Variants in LHFPL6 observed in about 807,000 individuals in gnomAD.
The protein encoded by LHFPL6 is LHFPL tetraspan subfamily member 6 protein.
LHFPL6 carries 9 observed loss-of-function variants against 20.6 expected under a neutral mutation model. The observed-to-expected ratio is 0.44, with a 90% confidence interval of 0.26 to 0.76. LHFPL6 has a LOEUF of 0.76. Ranked by LOEUF, LHFPL6 falls within the 30% of genes least tolerant of loss-of-function variation. LHFPL6 has a pLI of 0.20. For synonymous variants in LHFPL6, 105 were observed against 98.7 expected (o/e 1.06, Z -0.38); for missense variants, 218 against 253.5 (o/e 0.86, Z 0.95).
intron 2 of LHFPL6, among the ~76,000 whole-genome samples, chr13:39,469,053 A>AT (rs1872877292): frequency 1.3e-5 from 2 of 152,198 alleles, no homozygotes; most frequent in South Asian, 4.1e-4. Flanking sequence ...AAATAATCCT[A>AT]TTCACAAGGA....
intron 2 of LHFPL6, among the ~76,000 whole-genome samples, chr13:39,424,329 A>G (rs973777490): frequency 6.6e-6 from 1 of 152,202 alleles, no homozygotes; most frequent in African/African-American, 2.4e-5. Flanking sequence ...ATAAAGGAAT[A>G]AAGGAATCAC....
intron 2 of LHFPL6, among the ~76,000 whole-genome samples, chr13:39,521,785 C>A (rs1309653753): frequency 6.6e-6 from 1 of 152,180 alleles, no homozygotes; most frequent in Non-Finnish European, 1.5e-5. Context: ...CCTTGCTTTG[C>A]AGATTACTTT....
At chr13:39,433,492 T>C (rs943564957) in intron 2 of LHFPL6, among the ~76,000 whole-genome samples, 2 of 152,048 alleles carry the variant, frequency 1.3e-5, no homozygotes, top group Non-Finnish European at 1.5e-5. Context: ...TTAATAAATA[T>C]CAAAAAGCAC....
intron 2 of LHFPL6, among the ~76,000 whole-genome samples, chr13:39,446,181 G>A (rs1216802111): frequency 6.6e-6 from 1 of 152,176 alleles, no homozygotes; most frequent in Non-Finnish European, 1.5e-5. Context: ...GGAAGGCCCT[G>A]ATAAAGTGGA....
intron 2 of LHFPL6, among the ~76,000 whole-genome samples, chr13:39,523,645 C>A (rs1240139830): frequency 6.6e-6 from 1 of 151,970 alleles, no homozygotes; most frequent in African/African-American, 2.4e-5. Context: ...TCTTCACTGG[C>A]AGTTCCAGAG....
At chr13:39,355,800 A>G (rs1869710304) in intron 3 of LHFPL6, among the ~76,000 whole-genome samples, 1 of 152,256 alleles carries the variant, frequency 6.6e-6, no homozygotes, top group Non-Finnish European at 1.5e-5. Flanking sequence ...AGGGCATTAC[A>G]TAACGATAAA....
chr13:39,591,200 T>C (rs1321032592), intron 2 of LHFPL6, among the ~76,000 whole-genome samples: 1 of 152,080 alleles, frequency 6.6e-6, no homozygotes, highest in Non-Finnish European at 1.5e-5. Flanking sequence ...CTGATAAATT[T>C]GGCAAAAAAG....
chr13:39,496,893 T>G (rs1016982343), intron 2 of LHFPL6, among the ~76,000 whole-genome samples: 3 of 152,164 alleles, frequency 2.0e-5, no homozygotes, highest in Admixed American at 2.0e-4. Flanking sequence ...CTAGGAGAGA[T>G]GACCACAGTA....
At chr13:39,376,549 A>G (rs530097329) in intron 3 of LHFPL6, among the ~76,000 whole-genome samples, 1 of 152,344 alleles carries the variant, frequency 6.6e-6, no homozygotes, top group South Asian at 2.1e-4. Context: ...GTTGTCACCC[A>G]TGAAGTCAAA....
chr13:39,441,138 T>G (rs11840408), intron 2 of LHFPL6, among the ~76,000 whole-genome samples: 2 of 25,732 alleles, frequency 7.8e-5, no homozygotes, highest in Non-Finnish European at 1.3e-4. Context: ...TGCCAACTAA[T>G]TTTTTTTTTT....
At chr13:39,549,537 C>T (rs1341185438) in intron 2 of LHFPL6, among the ~76,000 whole-genome samples, 1 of 151,970 alleles carries the variant, frequency 6.6e-6, no homozygotes, top group Non-Finnish European at 1.5e-5. Context: ...GCAAGGATGT[C>T]AAGCAACTAC....
intron 2 of LHFPL6, among the ~76,000 whole-genome samples, chr13:39,475,167 A>G (rs1229528273): frequency 6.6e-6 from 1 of 152,176 alleles, no homozygotes; most frequent in Non-Finnish European, 1.5e-5. Context: ...ATCAGGCAGA[A>G]GAACCATCTG....
intron 2 of LHFPL6, among the ~76,000 whole-genome samples, chr13:39,449,833 CAAAAA>C (rs34024514): frequency 5.2e-5 from 7 of 133,376 alleles, no homozygotes; most frequent in Admixed American, 7.6e-5. Context: ...CTGAAAGTAG[CAAAAA>C]AAAAAAAAAA....
rs1871339630 is a variant in LHFPL6 at position 39,557,426 on chromosome 13, A to AC, written c.385+43405dup. Among the ~76,000 whole-genome samples, 3 of 152,216 alleles carry AC rather than the reference A, an allele frequency of 2.0e-5. No individual in the cohort carries two copies. In the South Asian group the frequency reaches 6.2e-4, roughly 32 times the overall value. ...TGTATGGGAAAGCCTGAGCGTCCAG[A>AC]CAGAGCCTGCTGCACAGCCTCTACT... On this transcript the variant is annotated intron_variant, in intron 2 of 3. Transcript: ENST00000379589.
chr13:39,586,354 A>G (rs1324308755), intron 2 of LHFPL6, among the ~76,000 whole-genome samples: 1 of 152,218 alleles, frequency 6.6e-6, no homozygotes, highest in Admixed American at 6.5e-5. Context: ...CATGCAGACC[A>G]ATATGCAAAT....
At chr13:39,390,577 C>A (rs765870877) in intron 2 of LHFPL6, among the ~76,000 whole-genome samples, 1 of 152,112 alleles carries the variant, frequency 6.6e-6, no homozygotes, top group Non-Finnish European at 1.5e-5. Context: ...AGACGAAATA[C>A]TACCTGTCAG....
At chr13:39,481,121 T>A (rs960807921) in intron 2 of LHFPL6, among the ~76,000 whole-genome samples, 1 of 152,180 alleles carries the variant, frequency 6.6e-6, no homozygotes, top group African/African-American at 2.4e-5. Flanking sequence ...GTATTAGTTT[T>A]ATAATAAAAA....
In LHFPL6 at chr13:39,562,361, CATATACAT is replaced by C. The variant is rs143260257; in HGVS notation, c.385+38463_385+38470del. ...GTGTGTATATATATACATATATATA[CATATACAT>C]ATATACATATATACATATACATATA... is the stretch of plus-strand genomic sequence containing the variant. On this transcript the variant is annotated intron_variant, in intron 2 of 3. Transcript: ENST00000379589. Among the ~76,000 whole-genome samples the C allele has an allele frequency of 3.4e-3, 387 of 112,332 alleles. 6 individuals are homozygous for C. The highest frequency in any genetic ancestry group is 0.019 in the East Asian group (55 of 2,962). The allele number at this position is 112,332 out of a possible 152,430, so 73.7% of individuals were successfully genotyped here.
At chr13:39,564,124 T>G (rs371987959) in intron 2 of LHFPL6, among the ~76,000 whole-genome samples, 2 of 37,208 alleles carry the variant, frequency 5.4e-5, no homozygotes, top group African/African-American at 2.4e-4. Flanking sequence ...TGGAGCATTT[T>G]ATTTTTGTTC....
Sources: allele counts gnomAD v4.1 joint callset (sites outside exome capture counted in the v4.1 genomes callset), GRCh38; gene constraint gnomAD v4.1.1; transcripts MANE v1.5; gene names NCBI Gene and HGNC (gene_info 2026-07-23, HGNC 2026-07-21).